Variants in PTPRG observed in about 807,000 individuals in gnomAD.
PTPRG encodes the protein protein tyrosine phosphatase receptor type G.
A neutral mutation model predicts 165.3 loss-of-function variants in PTPRG; 102 were observed. The ratio of observed to expected loss-of-function variants is 0.62; its 90% CI spans 0.53 to 0.73. The LOEUF (loss-of-function observed/expected upper bound fraction) is 0.73. Among genes scored for constraint, PTPRG ranks in the 30% least tolerant of loss-of-function variants. The probability of loss-of-function intolerance (pLI) is 0.00; values close to 1 mark genes in which losing one functional copy is unlikely to be tolerated. For missense variants in PTPRG, 1,866 were observed against 1,861.4 expected, an observed-to-expected ratio of 1.00 and a Z score of -0.05; for synonymous variants, 675 against 669.5, an observed-to-expected ratio of 1.01 and a Z score of -0.13.
intron 1 of PTPRG, among the ~76,000 whole-genome samples, chr3:61,676,335 A>T (rs1371117319): frequency 2.6e-5 from 4 of 151,158 alleles, no homozygotes; most frequent in African/African-American, 7.3e-5. Context: ...CGGGCACGTG[A>T]AATCCCAGCT....
intron 1 of PTPRG, among the ~76,000 whole-genome samples, chr3:61,630,285 A>G (rs915367456): frequency 6.6e-6 from 1 of 152,172 alleles, no homozygotes; most frequent in African/African-American, 2.4e-5. Flanking sequence ...GTTGTCATGA[A>G]ATTCCTTCTC....
intron 2 of PTPRG, among the ~76,000 whole-genome samples, chr3:61,906,674 A>G (rs2038664796): frequency 6.6e-6 from 1 of 152,190 alleles, no homozygotes. Flanking sequence ...CAGCTCCTCT[A>G]GATGTTGAGG....
chr3:62,262,517 T>C (rs575029281), intron 16 of PTPRG: 98 of 284,590 alleles, frequency 3.4e-4, no homozygotes, highest in African/African-American at 1.9e-3. Flanking sequence ...CCATAGACTA[T>C]GATGTATTCA....
At chr3:62,092,381 A>G (rs529706545) in intron 5 of PTPRG, among the ~76,000 whole-genome samples, 17 of 141,668 alleles carry the variant, frequency 1.2e-4, no homozygotes, top group African/African-American at 4.3e-4. Context: ...CAGAGGTTTC[A>G]GTGAGCTGAG....
chr3:62,290,378 T>A (rs1702837366), intron 28 of PTPRG, among the ~76,000 whole-genome samples: 1 of 152,132 alleles, frequency 6.6e-6, no homozygotes, highest in African/African-American at 2.4e-5. Context: ...AAAATTACTA[T>A]GAAACACGAT....
At chr3:62,277,729 C>G in intron 26 of PTPRG, 50 bp downstream of exon 26, 1 of 1,600,302 alleles carries the variant, frequency 6.2e-7, no homozygotes, top group South Asian at 1.1e-5. Context: ...AGGCTACAAG[C>G]ATAAATTACT....
intron 2 of PTPRG, among the ~76,000 whole-genome samples, chr3:61,794,124 A>G (rs2034977154): frequency 6.6e-6 from 1 of 152,144 alleles, no homozygotes; most frequent in Admixed American, 6.6e-5. Context: ...GCCATTTTGC[A>G]TGAATGCTTT....
At chr3:61,591,281 T>C (rs1000776722) in intron 1 of PTPRG, among the ~76,000 whole-genome samples, 4 of 152,224 alleles carry the variant, frequency 2.6e-5, no homozygotes, top group Non-Finnish European at 5.9e-5. Flanking sequence ...CCCCTTCTTA[T>C]GGTACTGGAT....
intron 2 of PTPRG, among the ~76,000 whole-genome samples, chr3:61,916,037 AT>A (rs1289128646): frequency 6.6e-6 from 1 of 152,220 alleles, no homozygotes; most frequent in Non-Finnish European, 1.5e-5. Flanking sequence ...ATGCATAAAA[AT>A]ATACAGAGTG....
At chr3:61,963,122 T>C (rs948916962) in intron 2 of PTPRG, among the ~76,000 whole-genome samples, 1 of 152,162 alleles carries the variant, frequency 6.6e-6, no homozygotes, top group Non-Finnish European at 1.5e-5. Context: ...TCGTAATTTC[T>C]GCCTTAATAA....
chr3:61,897,570 C>A (rs2038391097), intron 2 of PTPRG, among the ~76,000 whole-genome samples: 1 of 152,054 alleles, frequency 6.6e-6, no homozygotes, highest in Non-Finnish European at 1.5e-5. Context: ...CATTCTAGGG[C>A]CTGTGCTATT....
At chr3:61,719,672 G>A (rs2031965928) in intron 1 of PTPRG, among the ~76,000 whole-genome samples, 1 of 152,162 alleles carries the variant, frequency 6.6e-6, no homozygotes, top group Admixed American at 6.5e-5. Flanking sequence ...CCTCCCAGAA[G>A]TTATGTTAAT....
At chr3:61,853,317 A>G (rs923359835) in intron 2 of PTPRG, among the ~76,000 whole-genome samples, 1 of 152,196 alleles carries the variant, frequency 6.6e-6, no homozygotes, top group Non-Finnish European at 1.5e-5. Context: ...TTGTGTGATC[A>G]GTTGACGATG....
At chr3:62,017,624 C>G (rs2107752145) in intron 4 of PTPRG, among the ~76,000 whole-genome samples, 1 of 150,510 alleles carries the variant, frequency 6.6e-6, no homozygotes, top group South Asian at 2.1e-4. Context: ...CGGGGTTTCA[C>G]CGTGTTAGCC....
At chr3:61,854,989 TTATA>T (rs1405557920) in intron 2 of PTPRG, among the ~76,000 whole-genome samples, 1 of 152,186 alleles carries the variant, frequency 6.6e-6, no homozygotes, top group African/African-American at 2.4e-5. Flanking sequence ...TGCCGCTGGT[TTATA>T]GTGGTATGAA....
chr3:61,713,603 A>G (rs2031671674), intron 1 of PTPRG, among the ~76,000 whole-genome samples: 2 of 152,104 alleles, frequency 1.3e-5, no homozygotes, highest in African/African-American at 4.8e-5. Context: ...GGTTATTCCA[A>G]TTTTTATTAG....
At position 62,222,080 on chromosome 3, in the gene PTPRG, A is replaced by G. The variant is rs1273581037; in HGVS notation, c.2288+3097A>G. ...ACCAAGGAAGAGAACGAGAACTCAC[A>G]TTTGTTGAAAGCCTGCTATGGGCCA... On this transcript the variant is annotated intron_variant, in intron 13 of 29. Coordinates refer to ENST00000474889, the MANE Select transcript of PTPRG (RefSeq NM_002841.4). The surrounding 1 kb of genome is among the most constrained non-coding windows in gnomAD (Gnocchi z 4.5). Among the ~76,000 whole-genome samples the G allele has an allele frequency of 6.6e-6, 1 of 152,214 alleles. No homozygotes were observed. The highest frequency in any genetic ancestry group is 1.9e-4 in the East Asian group (1 of 5,184).
intron 1 of PTPRG, among the ~76,000 whole-genome samples, chr3:61,621,975 G>T (rs1033823315): frequency 6.6e-6 from 1 of 152,168 alleles, no homozygotes; most frequent in African/African-American, 2.4e-5. Context: ...CACAGTCCCT[G>T]TCCTTCTTGG....
chr3:62,124,742 C>A (rs959592409), intron 5 of PTPRG: 9 of 506,330 alleles, frequency 1.8e-5, no homozygotes, highest in Admixed American at 3.3e-5. Context: ...TTTTAAAATT[C>A]TTTTCTAGAG....
Sources: allele counts gnomAD v4.1 joint callset (sites outside exome capture counted in the v4.1 genomes callset), GRCh38; gene constraint gnomAD v4.1.1; non-coding constraint Gnocchi (gnomAD v3.1); transcripts MANE v1.5; gene names NCBI Gene and HGNC (gene_info 2026-07-23, HGNC 2026-07-21).